PTPRG: variants seen among roughly 807,000 people sequenced by gnomAD.
The protein encoded by PTPRG is receptor-type tyrosine-protein phosphatase gamma.
A neutral mutation model predicts 165.3 loss-of-function variants in PTPRG; 102 were observed. The ratio of observed to expected loss-of-function variants is 0.62; its 90% confidence interval spans 0.53 to 0.73. The LOEUF is 0.73. Among genes scored for constraint, PTPRG ranks in the 30% least tolerant of loss-of-function variants. The pLI is 0.00. For missense variants in PTPRG, 1,866 were observed against 1,861.4 expected (o/e 1.00, Z -0.05); for synonymous variants, 675 against 669.5 (o/e 1.01, Z -0.13).
chr3:61,683,686 G>A (rs1316001810), intron 1 of PTPRG, among the ~76,000 whole-genome samples: 3 of 152,118 alleles, frequency 2.0e-5, no homozygotes, highest in African/African-American at 2.4e-5. Flanking sequence ...GTTCTCTGTC[G>A]TGCTTGAGCT....
chr3:61,734,417 CACTT>C (rs1479907145), intron 1 of PTPRG, among the ~76,000 whole-genome samples: 1 of 152,188 alleles, frequency 6.6e-6, no homozygotes, highest in Non-Finnish European at 1.5e-5. Context: ...ACTTAATACT[CACTT>C]ACTGATTATG....
chr3:62,058,448 T>G (rs1700702589), intron 4 of PTPRG, among the ~76,000 whole-genome samples: 1 of 152,246 alleles, frequency 6.6e-6, no homozygotes, highest in African/African-American at 2.4e-5. Flanking sequence ...TGGGATTACA[T>G]GAGCCACTGC....
intron 2 of PTPRG, among the ~76,000 whole-genome samples, chr3:61,806,978 A>G (rs1259403629): frequency 6.6e-6 from 1 of 152,214 alleles, no homozygotes; most frequent in Non-Finnish European, 1.5e-5. Flanking sequence ...ATAAACAGAG[A>G]ATACAGAATC....
At chr3:62,283,462 T>G (rs1702525474) in intron 28 of PTPRG, among the ~76,000 whole-genome samples, 1 of 152,120 alleles carries the variant, frequency 6.6e-6, no homozygotes, top group Non-Finnish European at 1.5e-5. Context: ...CCTTTCCACT[T>G]TAATAAGAAG....
At chr3:61,800,827 A>G (rs1303419403) in intron 2 of PTPRG, among the ~76,000 whole-genome samples, 1 of 151,962 alleles carries the variant, frequency 6.6e-6, no homozygotes, top group Non-Finnish European at 1.5e-5. Flanking sequence ...TACTTTTAGT[A>G]GAGATAGGGT....
At chr3:62,138,820 G>A (rs1355470696) in intron 6 of PTPRG, among the ~76,000 whole-genome samples, 1 of 151,208 alleles carries the variant, frequency 6.6e-6, no homozygotes, top group Non-Finnish European at 1.5e-5. Flanking sequence ...TCCTGTGTCA[G>A]TTAAGAGGTG....
At chr3:62,043,190 A>C (rs1650025177) in intron 4 of PTPRG, among the ~76,000 whole-genome samples, 1 of 152,226 alleles carries the variant, frequency 6.6e-6, no homozygotes, top group African/African-American at 2.4e-5. Context: ...ACAAATACAA[A>C]GAAGCCCAAT....
intron 1 of PTPRG, among the ~76,000 whole-genome samples, chr3:61,615,659 A>C (rs1177787013): frequency 6.6e-6 from 1 of 152,140 alleles, no homozygotes; most frequent in African/African-American, 2.4e-5. Context: ...TTAATCCATA[A>C]ATCCTCATCA....
intron 1 of PTPRG, among the ~76,000 whole-genome samples, chr3:61,563,927 C>T (rs912535049): frequency 1.3e-5 from 2 of 152,128 alleles, no homozygotes; most frequent in African/African-American, 4.8e-5. Context: ...TCTGCGCATC[C>T]TCCTGCCCGC....
chr3:62,086,909 T>A (rs569526350), intron 5 of PTPRG, among the ~76,000 whole-genome samples: 36 of 152,320 alleles, frequency 2.4e-4, no homozygotes, highest in African/African-American at 8.4e-4. Context: ...AAATTTCCTC[T>A]TAGTGGACAT....
At chr3:61,837,314 C>T (rs997097669) in intron 2 of PTPRG, among the ~76,000 whole-genome samples, 2 of 152,218 alleles carry the variant, frequency 1.3e-5, no homozygotes, top group Non-Finnish European at 2.9e-5. Context: ...ACCCAAAGTG[C>T]TGGGATTCAC....
rs191341730 is a variant in PTPRG at position 62,279,670 on chromosome 3, C to T, written c.3766-1893C>T. Among the ~76,000 whole-genome samples the T allele has an allele frequency of 2.3e-3, 356 of 152,122 alleles. 2 individuals are homozygous for T. The highest frequency in any genetic ancestry group is 3.8e-3 in the Non-Finnish European group (261 of 67,956). ...ACAGACTTCTTTTGTATAGACTAAA[C>T]CCAGTTGCTAATCTGTTTCCCCTTA... On this transcript the variant is annotated intron_variant, in intron 26 of 29. Transcript: ENST00000474889.
intron 12 of PTPRG, among the ~76,000 whole-genome samples, chr3:62,206,334 A>G (rs1166358530): frequency 2.0e-5 from 3 of 152,242 alleles, no homozygotes; most frequent in South Asian, 2.1e-4. Context: ...GAGAGCATCT[A>G]CAATCTTGGC....
intron 5 of PTPRG, among the ~76,000 whole-genome samples, chr3:62,113,023 CA>C (rs980831689): frequency 6.6e-6 from 1 of 151,456 alleles, no homozygotes; most frequent in Admixed American, 6.6e-5. Flanking sequence ...ATTCTTGGGG[CA>C]AAAAAAATGA....
At chr3:61,771,858 G>A (rs530094158) in intron 2 of PTPRG, among the ~76,000 whole-genome samples, 15 of 151,840 alleles carry the variant, frequency 9.9e-5, no homozygotes, top group African/African-American at 3.1e-4. Flanking sequence ...TCAGGATTTC[G>A]AGACCAGCCT....
intron 2 of PTPRG, among the ~76,000 whole-genome samples, chr3:61,985,269 A>G (rs967895166): frequency 6.6e-6 from 1 of 152,246 alleles, no homozygotes; most frequent in Admixed American, 6.5e-5. Context: ...TGTCACCGCC[A>G]CCATAAGTTC....
chr3:61,882,542 G>A (rs1471728789), intron 2 of PTPRG, among the ~76,000 whole-genome samples: 1 of 152,142 alleles, frequency 6.6e-6, no homozygotes, highest in Non-Finnish European at 1.5e-5. Context: ...TTTTATTTAA[G>A]CTGTGTGCCA....
intron 4 of PTPRG, among the ~76,000 whole-genome samples, chr3:62,045,659 A>G (rs1700265976): frequency 6.7e-6 from 1 of 149,184 alleles, no homozygotes; most frequent in Non-Finnish European, 1.5e-5. Context: ...ATATACATAG[A>G]ATGGTAACAG....
At chr3:62,204,111 G>A (rs1022717338) in intron 12 of PTPRG, among the ~76,000 whole-genome samples, 161 bp downstream of exon 12, 8 of 152,166 alleles carry the variant, frequency 5.3e-5, no homozygotes, top group African/African-American at 1.9e-4. Flanking sequence ...AAATGTGTAT[G>A]TGTGTGTCCC....
Sources: allele counts gnomAD v4.1 joint callset (sites outside exome capture counted in the v4.1 genomes callset), GRCh38; gene constraint gnomAD v4.1.1; transcripts MANE v1.5; gene names NCBI Gene and HGNC (gene_info 2026-07-23, HGNC 2026-07-21).